Variants in FSTL5 observed in about 807,000 individuals in gnomAD.
FSTL5 encodes follistatin like 5.
In FSTL5, 62 loss-of-function variants were observed where a neutral mutation model predicts 89.1. The observed-to-expected ratio is 0.70, with a 90% CI of 0.57 to 0.86. The LOEUF (loss-of-function observed/expected upper bound fraction) is 0.86. Among genes scored for constraint, FSTL5 ranks in the 40% least tolerant of loss-of-function variants. The pLI is 0.00. For synonymous variants in FSTL5, 383 were observed against 346.2 expected, an observed-to-expected ratio of 1.11 and a Z score of -1.18; for missense variants, 1,057 against 1,001.6, an observed-to-expected ratio of 1.06 and a Z score of -0.75.
At chr4:161,541,520 C>T (rs932777277) in intron 9 of FSTL5, among the ~76,000 whole-genome samples, 23 of 152,114 alleles carry the variant, frequency 1.5e-4, no homozygotes, top group South Asian at 4.1e-4. Flanking sequence ...GTCTGACCTA[C>T]GTATGCACAT....
At chr4:161,872,997 T>G in intron 4 of FSTL5, among the ~76,000 whole-genome samples, 1 of 152,252 alleles carries the variant, frequency 6.6e-6, no homozygotes, top group Middle Eastern at 3.4e-3. Flanking sequence ...CATATAGTAA[T>G]GTTAAAGACA....
intron 6 of FSTL5, among the ~76,000 whole-genome samples, chr4:161,748,519 A>G (rs1740279345): frequency 6.6e-6 from 1 of 152,010 alleles, no homozygotes; most frequent in Admixed American, 6.6e-5. Context: ...GTAAAACATT[A>G]ATCCATGTGG....
rs562223142 is a variant in FSTL5, at chr4:161,992,759, G to A, written c.160+40866C>T. Among the ~76,000 whole-genome samples the A allele has an allele frequency of 1.2e-3, 180 of 148,058 alleles. 1 individual carries two copies. Among genetic ancestry groups the A allele is most frequent in the African/African-American group, 4.3e-3 (174 of 40,078 alleles). Reference sequence around the variant, plus strand: ...TCCGGGAGCCTGAGGCATGAGAATCGCTTGAACCCGGGAGTTGGACGTTGC... The same window carrying A: ...TCCGGGAGCCTGAGGCATGAGAATCACTTGAACCCGGGAGTTGGACGTTGC... On this transcript the variant is annotated intron_variant, in intron 3 of 15. Transcript: ENST00000306100.
intron 2 of FSTL5, among the ~76,000 whole-genome samples, chr4:162,038,825 T>G (rs1578974449): frequency 6.6e-6 from 1 of 151,798 alleles, no homozygotes; most frequent in African/African-American, 2.4e-5. Context: ...CTCTGGAAAG[T>G]GAAGAAATCA....
In FSTL5 at chr4:161,629,311, C is replaced by CA. The variant is rs1437932833; in HGVS notation, c.894+27016dup. Among the ~76,000 whole-genome samples the CA allele has an allele frequency of 2.0e-5, 3 of 152,072 alleles. No individual in the cohort carries two copies. The East Asian group carries it at 5.8e-4, about 29-fold the overall frequency. Reference sequence around the variant, plus strand: ...TAAGGAAGAGTGAAAACACAAGAGACAAAATGAAAATCAATGAAGTTATAG... The same window carrying CA: ...TAAGGAAGAGTGAAAACACAAGAGACAAAAATGAAAATCAATGAAGTTATAG... On this transcript the variant is annotated intron_variant, in intron 7 of 15. Coordinates refer to ENST00000306100, the MANE Select transcript of FSTL5 (RefSeq NM_020116.5).
At chr4:161,516,636 T>G (rs892480363) in intron 10 of FSTL5, among the ~76,000 whole-genome samples, 1 of 123,812 alleles carries the variant, frequency 8.1e-6, no homozygotes, top group Admixed American at 9.3e-5. Flanking sequence ...TATAATAAAT[T>G]ATATATTTTA....
intron 2 of FSTL5, among the ~76,000 whole-genome samples, chr4:162,107,831 C>T (rs558329103): frequency 6.6e-6 from 1 of 152,086 alleles, no homozygotes; most frequent in South Asian, 2.1e-4. Flanking sequence ...CCTTTAAGGA[C>T]CTCATTAGTT....
At chr4:162,029,457 A>G (rs963329344) in intron 3 of FSTL5, among the ~76,000 whole-genome samples, 1 of 152,124 alleles carries the variant, frequency 6.6e-6, no homozygotes, top group Admixed American at 6.6e-5. Context: ...ATGTCCTTGT[A>G]AAATTATAAG....
chr4:161,757,913 C>G lies in FSTL5; in HGVS notation c.727+1498G>C, dbSNP rs546898896. 2.0e-5 allele frequency among the ~76,000 whole-genome samples: 3 copies of G among 152,226 alleles called. No homozygotes were observed. In the South Asian group the frequency reaches 6.2e-4, roughly 32 times the overall value. On this transcript the variant is annotated intron_variant, in intron 6 of 15. Transcript: ENST00000306100. ...GGATTACAGGCATGAGCCACTGCGC[C>G]CTGCCAATGCTGCTTTCATTTTATC...
intron 8 of FSTL5, among the ~76,000 whole-genome samples, chr4:161,576,674 A>G (rs1733220101): frequency 1.3e-5 from 2 of 152,182 alleles, no homozygotes; most frequent in South Asian, 4.1e-4. Flanking sequence ...CCTTTTTCAA[A>G]TTTAAAATAG....
intron 8 of FSTL5, among the ~76,000 whole-genome samples, chr4:161,577,052 G>T (rs1733236270): frequency 6.6e-6 from 1 of 152,104 alleles, no homozygotes; most frequent in African/African-American, 2.4e-5. Context: ...CTATATCTTA[G>T]GACAGCCAAA....
chr4:162,048,060 G>A (rs1738253861), intron 2 of FSTL5, among the ~76,000 whole-genome samples: 1 of 151,652 alleles, frequency 6.6e-6, no homozygotes, highest in Non-Finnish European at 1.5e-5. Context: ...GGTGTGGCGG[G>A]TCACGCCTGT....
intron 6 of FSTL5, among the ~76,000 whole-genome samples, chr4:161,696,585 G>A (rs1281547896): frequency 6.6e-6 from 1 of 152,138 alleles, no homozygotes; most frequent in Non-Finnish European, 1.5e-5. Context: ...CCATGTGCAT[G>A]GAATGTGATT....
At chr4:161,462,984 A>G (rs1578852356) in intron 13 of FSTL5, among the ~76,000 whole-genome samples, 1 of 152,166 alleles carries the variant, frequency 6.6e-6, no homozygotes, top group East Asian at 1.9e-4. Context: ...AATGCAGGAT[A>G]AAATATAAGG....
chr4:161,862,523 A>G (rs978682920), intron 4 of FSTL5, among the ~76,000 whole-genome samples: 1 of 152,126 alleles, frequency 6.6e-6, no homozygotes, highest in African/African-American at 2.4e-5. Flanking sequence ...TAACCAGGTC[A>G]AGAGATAGAG....
At chr4:161,703,655 T>C (rs1235037392) in intron 6 of FSTL5, among the ~76,000 whole-genome samples, 2 of 152,244 alleles carry the variant, frequency 1.3e-5, no homozygotes, top group Admixed American at 6.6e-5. Context: ...AACCATGAAA[T>C]TGATTCTGAA....
chr4:161,631,360 G>A (rs1274499675), intron 7 of FSTL5, among the ~76,000 whole-genome samples: 2 of 152,180 alleles, frequency 1.3e-5, no homozygotes, highest in African/African-American at 4.8e-5. Flanking sequence ...GGTCATGCCT[G>A]TAATCCTAGC....
chr4:161,853,331 G>C (rs778712811), intron 4 of FSTL5, among the ~76,000 whole-genome samples: 1 of 151,928 alleles, frequency 6.6e-6, no homozygotes, highest in East Asian at 1.9e-4. Context: ...GCAGTGGCAC[G>C]ATCTCGGCTC....
chr4:161,425,030 T>C (rs1318293730), intron 15 of FSTL5, among the ~76,000 whole-genome samples: 2 of 152,178 alleles, frequency 1.3e-5, no homozygotes, highest in African/African-American at 4.8e-5. Context: ...TTACATTTTG[T>C]TGGAAGGAGC....
Sources: gnomAD v4.1 joint callset for allele counts (sites outside exome capture counted in the v4.1 genomes callset) on GRCh38, gnomAD v4.1.1 for gene constraint, MANE v1.5 for transcripts, NCBI Gene and HGNC (gene_info 2026-07-23, HGNC 2026-07-21) for gene names.